Variants in ADGRF5 observed in about 807,000 individuals in gnomAD.
The protein encoded by ADGRF5 is G-protein coupled receptor 116.
Under a neutral mutation model 132.3 loss-of-function variants are expected in ADGRF5, and 75 were observed. The observed-to-expected ratio is 0.57, with a 90% CI of 0.47 to 0.69. The LOEUF (loss-of-function observed/expected upper bound fraction) is 0.69, where lower values mean the gene tolerates loss of function less well. Among genes scored for constraint, ADGRF5 ranks in the 30% least tolerant of loss-of-function variants. The probability of loss-of-function intolerance (pLI) is 0.00; values close to 1 mark genes in which losing one functional copy is unlikely to be tolerated. For missense variants in ADGRF5, 1,516 were observed against 1,630.6 expected (o/e 0.93, Z 1.21); for synonymous variants, 629 against 597.6 (o/e 1.05, Z -0.77).
chr6:46,863,522 A>T (rs1770034502), intron 14 of ADGRF5, among the ~76,000 whole-genome samples: 1 of 152,162 alleles, frequency 6.6e-6, no homozygotes, highest in African/African-American at 2.4e-5. Context: ...CCAAAGACAT[A>T]ATTGCTAGTA....
intron 20 of ADGRF5, chr6:46,854,861 G>A: frequency 3.5e-6 from 2 of 564,362 alleles, no homozygotes; most frequent in Non-Finnish European, 5.9e-6. Context: ...CAGAAGTGAA[G>A]GTCCACCAGT....
rs563825152 is a variant in ADGRF5, at chr6:46,856,922, G to A, written c.3775-14C>T. ...AATGAATAATCCCTGAGAAAAAAAAGATTGAAAAGAAGTGCATTTTAATTA... is the reference window on the plus strand; with the variant it reads ...AATGAATAATCCCTGAGAAAAAAAAAATTGAAAAGAAGTGCATTTTAATTA... On this transcript the variant is annotated splice_polypyrimidine_tract_variant and intron_variant, in intron 17 of 20. Transcript: ENST00000283296. 31 of 1,592,116 alleles carry A rather than the reference G, an allele frequency of 1.9e-5. 1 individual carries two copies. The South Asian group carries it at 3.3e-4, about 17-fold the overall frequency.
At chr6:46,871,275 A>C (rs1449785832) in intron 11 of ADGRF5, among the ~76,000 whole-genome samples, 2 of 152,162 alleles carry the variant, frequency 1.3e-5, no homozygotes, top group Non-Finnish European at 2.9e-5. Context: ...AATTTTAAGA[A>C]GCCTAACTAA....
chr6:46,863,911 G>C (rs953040625), intron 14 of ADGRF5, among the ~76,000 whole-genome samples: 1 of 152,246 alleles, frequency 6.6e-6, no homozygotes. Context: ...GCACCCTGGA[G>C]GGGTTGTACT....
intron 11 of ADGRF5, chr6:46,870,734 A>G: frequency 3.5e-6 from 1 of 289,094 alleles, no homozygotes; most frequent in Non-Finnish European, 7.1e-6. Flanking sequence ...ATTTTCAGCA[A>G]AGGCTTAACA....
In ADGRF5 at chr6:46,859,297, C is replaced by T; in HGVS notation, c.2606G>A (p.Arg869Lys). ...GAGGTCAAAGTATGGGAAAACAAAC[C>T]TCTGTTGATAGGTTTCTGGGTGGCT... The part of the protein sequence containing the change: ...KSSHPETYQQ[R>K]FVFPYFDLWG... The change falls in exon 17 of 21, where the codon AGG becomes AAG. Residue 869 changes from arginine to lysine, a missense_variant. This residue lies in a region of ADGRF5 where 571 missense variants were observed against 701.2 expected (regional missense o/e 0.81). Transcript: ENST00000283296. 2 of 1,613,938 alleles carry T rather than the reference C, an allele frequency of 1.2e-6. No individual in the cohort carries two copies. Among genetic ancestry groups the T allele is most frequent in the Non-Finnish European group, 8.5e-7 (1 of 1,179,872 alleles).
chr6:46,890,054 A>G (rs533167014), intron 3 of ADGRF5, among the ~76,000 whole-genome samples: 1 of 152,238 alleles, frequency 6.6e-6, no homozygotes, highest in East Asian at 1.9e-4. Flanking sequence ...TTAATAAAGA[A>G]TCTTCAAGGA....
rs374318499 is a variant in ADGRF5, at chr6:46,859,152, G to A, written c.2751C>T (p.Asn917=). Residue 917 remains asparagine, a synonymous_variant, in exon 17 of 21, where the codon AAC becomes AAT. Coordinates refer to ENST00000283296, the MANE Select transcript of ADGRF5 (RefSeq NM_001098518.2). ...TTGTCATCACTAAGCTCTCTGCAAA[G>A]TTATTTTCCTGGATATCCTGGGCAA... ...AILAQDIQEN[N]FAESLVMTTT... is the part of the protein sequence containing the mutation. 1.3e-5 allele frequency: 21 copies of A among 1,613,898 alleles called. No individual in the cohort carries two copies. Among genetic ancestry groups the A allele is most frequent in the South Asian group, 5.5e-5 (5 of 91,078 alleles).
chr6:46,874,109 A>G (rs1031977575), intron 10 of ADGRF5, among the ~76,000 whole-genome samples: 4 of 152,174 alleles, frequency 2.6e-5, no homozygotes, highest in African/African-American at 9.7e-5. Context: ...AGCTCTCACC[A>G]TCTGATGTCC....
intron 1 of ADGRF5, among the ~76,000 whole-genome samples, chr6:46,912,455 T>A (rs775003897): frequency 6.6e-6 from 1 of 151,326 alleles, no homozygotes; most frequent in Non-Finnish European, 1.5e-5. Context: ...CAGGCCAGAG[T>A]GGCTGGAACA....
intron 6 of ADGRF5, among the ~76,000 whole-genome samples, chr6:46,883,186 G>T (rs958974210): frequency 6.6e-6 from 1 of 152,126 alleles, no homozygotes; most frequent in Non-Finnish European, 1.5e-5. Flanking sequence ...GCTCAGCCAC[G>T]GGTTGGTCTG....
chr6:46,889,881 T>C (rs1165412008), intron 3 of ADGRF5, among the ~76,000 whole-genome samples: 5 of 151,652 alleles, frequency 3.3e-5, no homozygotes, highest in Admixed American at 3.3e-4. Flanking sequence ...CATGTTTCTT[T>C]CACTTCTCTT....
intron 4 of ADGRF5, chr6:46,888,080 T>G: frequency 2.7e-6 from 1 of 368,936 alleles, no homozygotes. Context: ...TATCTTGGGA[T>G]CACTTTATGA....
chr6:46,912,895 G>A (rs1476901751), intron 1 of ADGRF5, among the ~76,000 whole-genome samples: 2 of 152,108 alleles, frequency 1.3e-5, no homozygotes, highest in Admixed American at 1.3e-4. Context: ...GGCATTATCA[G>A]TACTGCACAA....
chr6:46,860,930 C>CCAAT (rs773022583), intron 15 of ADGRF5, 36 bp from the exon 16 acceptor site: 1 of 1,539,798 alleles, frequency 6.5e-7, no homozygotes, highest in African/African-American at 1.4e-5. Context: ...AAAAAATTTA[C>CCAAT]CAATCAATTC....
Position 46,858,152 on chromosome 6 carries a change from A to C in ADGRF5, c.3751T>G (p.Phe1251Val), listed in dbSNP as rs1458295456. 2 of 1,612,640 alleles carry C rather than the reference A, an allele frequency of 1.2e-6. No individual in the cohort carries two copies. The highest frequency in any genetic ancestry group is 1.7e-6 in the Non-Finnish European group (2 of 1,179,058). The change falls in exon 17 of 21, where the codon TTT (phenylalanine) becomes GTT (valine). Residue 1251 changes from phenylalanine to valine, a missense_variant. Physicochemically the swap from Phe to Val is conservative, Grantham distance 50. Around this residue, in one of 2 missense-constraint regions of ADGRF5, gnomAD observed 571 missense variants for 701.2 expected, o/e 0.81. Coordinates refer to ENST00000283296, the MANE Select transcript of ADGRF5 (RefSeq NM_001098518.2). ...PGTNLVFHII[F>V]AILNVFQGLF... The stretch of plus-strand genomic sequence containing the variant: ...ACCTGGAAGACATTGAGGATGGCAA[A>C]TATGATATGGAACACAAGGTTGGTC...
Position 46,879,861 on chromosome 6 carries a change from C to T in ADGRF5, c.993G>A (p.Ser331=), listed in dbSNP as rs141718692. ...IYTALFNNMT[S]VSKLTIHNIT... is the part of the protein sequence containing the mutation. Reference sequence around the variant, plus strand: ...TGTTGTGGATGGTGAGCTTGGACACCGAAGTCATGTTGTTGAAAAGTGCGG... The same window carrying T: ...TGTTGTGGATGGTGAGCTTGGACACTGAAGTCATGTTGTTGAAAAGTGCGG... The change falls in exon 9 of 21, where the codon TCG becomes TCA. Residue 331 remains serine, a synonymous_variant. Transcript: ENST00000283296. 84 of 1,614,048 alleles carry T rather than the reference C, an allele frequency of 5.2e-5. No individual in the cohort carries two copies. Among genetic ancestry groups the T allele is most frequent in the South Asian group, 3.0e-4 (27 of 91,076 alleles).
chr6:46,871,865 T>C lies in ADGRF5; in HGVS notation c.1389A>G (p.Ile463Met), dbSNP rs767825309. 10 of 1,602,730 alleles carry C rather than the reference T, an allele frequency of 6.2e-6. No homozygotes were observed. The highest frequency in any genetic ancestry group is 7.7e-6 in the Non-Finnish European group (9 of 1,171,240). Reference protein sequence around the residue: ...SAYGARGSANIKVTFISVANL... With the variant: ...SAYGARGSANMKVTFISVANL... The stretch of plus-strand genomic sequence containing the variant: ...TACCCACAGAGATGAATGTCACTTT[T>C]ATGTTTGCACTGCCTCTGGCTCCAT... Residue 463 changes from isoleucine (I) to methionine (M), a missense_variant, in exon 11 of 21, where the codon ATA becomes ATG. By Grantham distance (10) the Ile-to-Met change is conservative (BLOSUM62 1). Coordinates refer to ENST00000283296, the MANE Select transcript of ADGRF5 (RefSeq NM_001098518.2).
At chr6:46,873,888 T>TTTTACCCCTACTCAGTTGTAAGAAAC (rs1771356615) in intron 10 of ADGRF5, among the ~76,000 whole-genome samples, 1 of 152,216 alleles carries the variant, frequency 6.6e-6, no homozygotes, top group African/African-American at 2.4e-5. Flanking sequence ...TGCACTCACC[T>TTTTACCCCTACTCAGTTGTAAGAAAC]TTTACCCCTA....
Sources: allele counts gnomAD v4.1 joint callset (sites outside exome capture counted in the v4.1 genomes callset), GRCh38; gene constraint gnomAD v4.1.1; regional missense constraint gnomAD v4.1.1; transcripts MANE v1.5; gene names NCBI Gene and HGNC (gene_info 2026-07-23, HGNC 2026-07-21).